NCAM2: variants seen among roughly 807,000 people sequenced by gnomAD.
NCAM2 encodes the protein neural cell adhesion molecule 2.
Under a neutral mutation model 98.1 loss-of-function variants are expected in NCAM2, and 30 were observed. The ratio of observed to expected loss-of-function variants is 0.31; its 90% CI spans 0.23 to 0.41. The LOEUF (loss-of-function observed/expected upper bound fraction) is 0.41, where lower values mean the gene tolerates loss of function less well. Among genes scored for constraint, NCAM2 ranks in the 10% least tolerant of loss-of-function variants. NCAM2 has a pLI of 1.00. For synonymous variants in NCAM2, 368 were observed against 342.4 expected (o/e 1.07, Z -0.83); for missense variants, 867 against 1,005.8 (o/e 0.86, Z 1.87).
intron 4 of NCAM2, among the ~76,000 whole-genome samples, chr21:21,288,726 A>G (rs2073188759): frequency 6.6e-6 from 1 of 151,876 alleles, no homozygotes; most frequent in South Asian, 2.1e-4. Flanking sequence ...TGATGAAATA[A>G]GATCAAGATT....
chr21:21,357,821 AG>A (rs2075532911), intron 8 of NCAM2, among the ~76,000 whole-genome samples: 1 of 152,188 alleles, frequency 6.6e-6, no homozygotes, highest in Non-Finnish European at 1.5e-5. Context: ...CAAAAAGCGA[AG>A]AACAAATGTC....
chr21:21,468,441 C>T (rs1984003857), intron 13 of NCAM2, among the ~76,000 whole-genome samples: 2 of 151,810 alleles, frequency 1.3e-5, no homozygotes, highest in Admixed American at 1.3e-4. Flanking sequence ...ATATTTGGTC[C>T]TCAGGCTACA....
chr21:21,519,523 A>T (rs1988896578), intron 16 of NCAM2, among the ~76,000 whole-genome samples: 1 of 152,030 alleles, frequency 6.6e-6, no homozygotes, highest in African/African-American at 2.4e-5. Flanking sequence ...TGTGCAGACA[A>T]CCAGGTGTAT....
chr21:21,451,273 A>G (rs1981025777), intron 12 of NCAM2, among the ~76,000 whole-genome samples: 1 of 152,198 alleles, frequency 6.6e-6, no homozygotes, highest in Non-Finnish European at 1.5e-5. Context: ...GTTTTCAAAC[A>G]TCTATAAATT....
intron 4 of NCAM2, chr21:21,290,005 A>C (rs1697391459): frequency 6.6e-6 from 1 of 151,894 alleles, no homozygotes. Context: ...TTGGGTCTGC[A>C]GACTCAGAGA....
At chr21:21,459,140 A>C (rs1982587572) in intron 12 of NCAM2, among the ~76,000 whole-genome samples, 1 of 152,040 alleles carries the variant, frequency 6.6e-6, no homozygotes, top group Non-Finnish European at 1.5e-5. Context: ...ATCAAACCAC[A>C]TTGAGATATC....
intron 6 of NCAM2, among the ~76,000 whole-genome samples, chr21:21,330,832 C>T (rs2074655065): frequency 6.6e-6 from 1 of 151,938 alleles, no homozygotes. Flanking sequence ...TTGTTTCAGT[C>T]TTTTTCTGTT....
intron 17 of NCAM2, among the ~76,000 whole-genome samples, chr21:21,536,011 A>G (rs1051896131): frequency 6.6e-6 from 1 of 152,140 alleles, no homozygotes; most frequent in Non-Finnish European, 1.5e-5. Flanking sequence ...AACTCTAATC[A>G]GAACTCTTTC....
At chr21:21,169,698 C>T (rs1189261538) in intron 1 of NCAM2, among the ~76,000 whole-genome samples, 3 of 152,164 alleles carry the variant, frequency 2.0e-5, no homozygotes, top group Non-Finnish European at 4.4e-5. Context: ...CCGGTAATCC[C>T]AGCACTTTGG....
intron 5 of NCAM2, among the ~76,000 whole-genome samples, chr21:21,300,790 T>C (rs1228561927): frequency 1.3e-5 from 2 of 152,044 alleles, no homozygotes; most frequent in Non-Finnish European, 2.9e-5. Context: ...TACTTAGTTT[T>C]TTTCTCTATC....
intron 1 of NCAM2, among the ~76,000 whole-genome samples, chr21:21,169,768 G>A (rs1306248834): frequency 6.6e-6 from 1 of 151,974 alleles, no homozygotes; most frequent in Non-Finnish European, 1.5e-5. Context: ...GGGCAACATG[G>A]TGAAATTCAT....
intron 5 of NCAM2, among the ~76,000 whole-genome samples, chr21:21,311,792 T>A (rs1209861185): frequency 1.3e-5 from 2 of 152,098 alleles, no homozygotes; most frequent in East Asian, 3.9e-4. Flanking sequence ...TTAAAAAAAA[T>A]TTTGGTTTCC....
chr21:21,538,015 T>A lies in NCAM2; in HGVS notation c.*58T>A, dbSNP rs996472628. 3 of 1,005,884 alleles carry A rather than the reference T, an allele frequency of 3.0e-6. No individual in the cohort carries two copies. The Admixed American group carries it at 8.2e-5, about 28-fold the overall frequency. 62.3% of individuals were successfully genotyped at this position (1,005,884 alleles called of 1,614,324 possible). ...GAAGAGTATTTGGATTGCGTGACCC[T>A]ATGACCAAAACTATTCCATTGACCT... On this transcript the variant is annotated 3_prime_UTR_variant, in exon 18 of 18. Coordinates refer to ENST00000400546, the MANE Select transcript of NCAM2 (RefSeq NM_004540.5).
At chr21:21,110,731 T>C (rs2146525482) in intron 1 of NCAM2, among the ~76,000 whole-genome samples, 1 of 152,034 alleles carries the variant, frequency 6.6e-6, no homozygotes, top group African/African-American at 2.4e-5. Context: ...ACCACAAAAC[T>C]ACCAGTAGAC....
At chr21:21,345,483 A>G (rs777654133) in intron 8 of NCAM2, among the ~76,000 whole-genome samples, 1 of 152,142 alleles carries the variant, frequency 6.6e-6, no homozygotes, top group African/African-American at 2.4e-5. Context: ...TGCAGCAGGC[A>G]TATTGAAGAA....
chr21:21,091,821 A>G (rs937840517), intron 1 of NCAM2, among the ~76,000 whole-genome samples: 6 of 152,202 alleles, frequency 3.9e-5, no homozygotes, highest in Non-Finnish European at 1.5e-5. Context: ...TTAAGTTTCA[A>G]TATTAGAAAA....
intron 1 of NCAM2, among the ~76,000 whole-genome samples, chr21:21,038,016 A>C (rs1280735882): frequency 1.3e-5 from 2 of 152,210 alleles, no homozygotes; most frequent in Non-Finnish European, 2.9e-5. Flanking sequence ...TGCTTTGCAC[A>C]TGACATTATG....
chr21:21,291,561 AT>A (rs1178264294), intron 4 of NCAM2, among the ~76,000 whole-genome samples: 1 of 151,900 alleles, frequency 6.6e-6, no homozygotes, highest in African/African-American at 2.4e-5. Context: ...AGATTATCTT[AT>A]TAGCCAAAAA....
rs34541675 is a variant in NCAM2, at chr21:21,135,079, C to CAAA, written c.55+136476_55+136478dup. The stretch of plus-strand genomic sequence containing the variant: ...TGAAACCCCGTCTCTACTAAAAATA[C>CAAA]AAAAAAAAAAAAAAAAATTAGCTGG... On this transcript the variant is annotated intron_variant, in intron 1 of 17. Transcript: ENST00000400546. 2.7e-3 allele frequency among the ~76,000 whole-genome samples: 376 copies of CAAA among 139,578 alleles called. 6 individuals carry two copies. In the South Asian group the frequency reaches 0.041, roughly 15 times the overall value. 91.6% of individuals were successfully genotyped at this position (139,578 alleles called of 152,430 possible).
Sources: gnomAD v4.1 joint callset for allele counts (sites outside exome capture counted in the v4.1 genomes callset) on GRCh38, gnomAD v4.1.1 for gene constraint, MANE v1.5 for transcripts, NCBI Gene and HGNC (gene_info 2026-07-23, HGNC 2026-07-21) for gene names.